Variants in PCDH15 observed in about 807,000 individuals in gnomAD.
PCDH15 encodes protocadherin related 15, also known as protocadherin-15.
In PCDH15, 129 loss-of-function variants were observed where a neutral mutation model predicts 178.5. The ratio of observed to expected loss-of-function variants is 0.72; its 90% CI spans 0.63 to 0.84. PCDH15 has a LOEUF of 0.84. Ranked by LOEUF, PCDH15 falls within the 40% of genes least tolerant of loss-of-function variation. The pLI, the probability that PCDH15 is intolerant of heterozygous loss-of-function variation, is 0.00. For synonymous variants in PCDH15, 800 were observed against 732.0 expected, an observed-to-expected ratio of 1.09 and a Z score of -1.50; for missense variants, 2,230 against 2,099.9, an observed-to-expected ratio of 1.06 and a Z score of -1.21.
chr10:55,201,648 C>T (rs1840250950), intron 1 of PCDH15, among the ~76,000 whole-genome samples: 2 of 152,156 alleles, frequency 1.3e-5, no homozygotes, highest in South Asian at 4.1e-4. Context: ...TGCTGGTCCA[C>T]ATACTATTGA....
At chr10:55,302,965 T>G (rs1231630277) in intron 1 of PCDH15, among the ~76,000 whole-genome samples, 1 of 152,094 alleles carries the variant, frequency 6.6e-6, no homozygotes, top group Non-Finnish European at 1.5e-5. Context: ...CTTATCTCCT[T>G]AATATCCTGT....
chr10:54,484,773 A>G (rs1036398156), intron 3 of PCDH15, among the ~76,000 whole-genome samples: 3 of 151,906 alleles, frequency 2.0e-5, no homozygotes, highest in African/African-American at 7.2e-5. Context: ...AATTAAAAAC[A>G]AAGGGAAAAA....
chr10:54,828,011 C>A lies in PCDH15; in HGVS notation c.-29+69439G>T, dbSNP rs577105359. ...TGCTATATACAAACACATATTTATA[C>A]AACTGAATAGCTTATTTGGAAGGCT... On this transcript the variant is annotated intron_variant, in intron 3 of 5. Coordinates refer to the PCDH15 transcript ENST00000458638. 1.4e-3 allele frequency among the ~76,000 whole-genome samples: 213 copies of A among 152,050 alleles called. 2 individuals are homozygous for A. Among genetic ancestry groups the A allele is most frequent in the Middle Eastern group, 0.01 (3 of 292 alleles).
At chr10:55,599,796 T>G in intron 2 of PCDH15, 1 of 541,270 alleles carries the variant, frequency 1.8e-6, no homozygotes, top group Non-Finnish European at 3.0e-6. Context: ...GCATTGCTAG[T>G]ATTAGAGGCA....
chr10:54,740,227 C>G (rs1944609176), intron 1 of PCDH15, among the ~76,000 whole-genome samples: 1 of 151,778 alleles, frequency 6.6e-6, no homozygotes, highest in Non-Finnish European at 1.5e-5. Context: ...GGCAAAAGAT[C>G]TTAATAGATA....
chr10:55,378,990 T>C (rs553828247), intron 2 of PCDH15, among the ~76,000 whole-genome samples: 3 of 151,930 alleles, frequency 2.0e-5, no homozygotes, highest in African/African-American at 7.2e-5. Flanking sequence ...CATACAACCT[T>C]TAACTTATTT....
intron 2 of PCDH15, among the ~76,000 whole-genome samples, chr10:55,620,044 G>A (rs1168523583): frequency 6.6e-6 from 1 of 151,884 alleles, no homozygotes; most frequent in East Asian, 1.9e-4. Context: ...TAACCAGTAT[G>A]CCCTTGCCTA....
intron 2 of PCDH15, among the ~76,000 whole-genome samples, chr10:54,563,048 T>A (rs945645348): frequency 3.3e-5 from 5 of 152,164 alleles, no homozygotes; most frequent in African/African-American, 1.2e-4. Context: ...CTTAGCAGGC[T>A]TCAAACTAAC....
chr10:55,363,367 G>A (rs914184590), intron 2 of PCDH15, among the ~76,000 whole-genome samples: 2 of 152,046 alleles, frequency 1.3e-5, no homozygotes, highest in African/African-American at 4.8e-5. Flanking sequence ...TAAATAAAGT[G>A]ACTATCAATA....
chr10:54,956,908 G>A lies in PCDH15; in HGVS notation c.-79-59408C>T, dbSNP rs567276685. Among the ~76,000 whole-genome samples, 6 of 151,660 alleles carry A rather than the reference G, an allele frequency of 4.0e-5. No homozygotes were observed. The East Asian group carries it at 5.8e-4, about 15-fold the overall frequency. Reference sequence around the variant, plus strand: ...ATATCATTGAATATGGAATATGCTCGAAATCAAACAGTGAATGGTGGAACC... The same window carrying A: ...ATATCATTGAATATGGAATATGCTCAAAATCAAACAGTGAATGGTGGAACC... On this transcript the variant is annotated intron_variant, in intron 2 of 5. Transcript: ENST00000458638.
intron 1 of PCDH15, among the ~76,000 whole-genome samples, chr10:55,214,368 G>GATATATTT (rs1389078804): frequency 3.3e-5 from 5 of 151,804 alleles, no homozygotes; most frequent in African/African-American, 1.2e-4. Context: ...CTACAATCAT[G>GATATATTT]ATATATTTAT....
intron 1 of PCDH15, 116 bp from the exon 2 acceptor site, chr10:54,664,406 C>T (rs533849370): frequency 2.9e-6 from 2 of 689,438 alleles, no homozygotes; most frequent in Admixed American, 2.2e-5. Context: ...TTACCTGTGC[C>T]ACATTATCCA....
intron 18 of PCDH15, among the ~76,000 whole-genome samples, chr10:54,046,745 T>C (rs1055236743): frequency 6.6e-6 from 1 of 152,150 alleles, no homozygotes; most frequent in Non-Finnish European, 1.5e-5. Flanking sequence ...ACATTTATGT[T>C]TACTGTATAA....
chr10:54,835,145 T>C (rs1000017189), intron 3 of PCDH15, among the ~76,000 whole-genome samples: 2 of 152,040 alleles, frequency 1.3e-5, no homozygotes, highest in Non-Finnish European at 2.9e-5. Context: ...AATAATATTA[T>C]GTTGAAAAGA....
intron 1 of PCDH15, among the ~76,000 whole-genome samples, chr10:54,750,880 C>T (rs1591436853): frequency 6.6e-6 from 1 of 151,816 alleles, no homozygotes; most frequent in Non-Finnish European, 1.5e-5. Context: ...AATTAAGCAG[C>T]AATAAAAGCT....
chr10:54,462,823 C>G (rs2077281133), intron 3 of PCDH15, among the ~76,000 whole-genome samples: 1 of 150,882 alleles, frequency 6.6e-6, no homozygotes, highest in African/African-American at 2.4e-5. Flanking sequence ...AGCCACCTCG[C>G]CTGGACTATT....
chr10:54,367,404 G>A (rs1237727692), intron 5 of PCDH15, among the ~76,000 whole-genome samples: 1 of 152,118 alleles, frequency 6.6e-6, no homozygotes, highest in Non-Finnish European at 1.5e-5. Flanking sequence ...ATTAGAGAGG[G>A]AAGTGGAAAC....
At chr10:54,238,675 T>A (rs867327692) in intron 8 of PCDH15, among the ~76,000 whole-genome samples, 526 of 142,788 alleles carry the variant, frequency 3.7e-3, no homozygotes, top group African/African-American at 0.014. Context: ...TCTCTCTCTC[T>A]CTCACACACA....
chr10:53,859,328 G>T (rs1479226265), intron 27 of PCDH15, among the ~76,000 whole-genome samples: 1 of 152,128 alleles, frequency 6.6e-6, no homozygotes, highest in Non-Finnish European at 1.5e-5. Flanking sequence ...TGTGGGTTAT[G>T]GATAGGGTGA....
Sources: allele counts gnomAD v4.1 joint callset (sites outside exome capture counted in the v4.1 genomes callset), GRCh38; gene constraint gnomAD v4.1.1; transcripts MANE v1.5; gene names NCBI Gene and HGNC (gene_info 2026-07-23, HGNC 2026-07-21).